ZNF43: variants seen among roughly 807,000 people sequenced by gnomAD.
ZNF43 encodes the protein zinc finger protein 39-like 1 (KOX 27).
A neutral mutation model predicts 68.4 loss-of-function variants in ZNF43; 44 were observed. The observed-to-expected ratio is 0.64, with a 90% CI of 0.51 to 0.83. ZNF43 has a LOEUF of 0.83. Ranked by LOEUF, ZNF43 falls within the 40% of genes least tolerant of loss-of-function variation. ZNF43 has a pLI of 0.00. For synonymous variants in ZNF43, 308 were observed against 307.8 expected, an observed-to-expected ratio of 1.00 and a Z score of -0.01; for missense variants, 896 against 933.2, an observed-to-expected ratio of 0.96 and a Z score of 0.52.
intron 1 of ZNF43, among the ~76,000 whole-genome samples, chr19:21,850,655 A>G (rs1442744209): frequency 6.6e-6 from 1 of 152,186 alleles, no homozygotes; most frequent in Non-Finnish European, 1.5e-5. Flanking sequence ...CAAAATATTC[A>G]GGGACTAAGG....
At chr19:21,812,429 A>C (rs2037323394) in intron 3 of ZNF43, among the ~76,000 whole-genome samples, 1 of 152,212 alleles carries the variant, frequency 6.6e-6, no homozygotes, top group Non-Finnish European at 1.5e-5. Context: ...ACAACTCTTA[A>C]AACTAACAAT....
intron 1 of ZNF43, among the ~76,000 whole-genome samples, chr19:21,825,833 A>G (rs1458719802): frequency 1.3e-5 from 2 of 152,210 alleles, no homozygotes; most frequent in Non-Finnish European, 1.5e-5. Flanking sequence ...CAGGTGGATC[A>G]GGAGGTCAAG....
In ZNF43 at chr19:21,815,189, C is replaced by CA. The variant is rs34985754; in HGVS notation, c.229+2698dup. 4.2e-3 allele frequency among the ~76,000 whole-genome samples: 539 copies of CA among 129,748 alleles called. 1 individual carries two copies. The highest frequency in any genetic ancestry group is 0.013 in the African/African-American group (447 of 34,296). The allele number at this position is 129,748 out of a possible 152,430, so 85.1% of individuals were successfully genotyped here. ...GGGCAACGAGAGCAAAACTCCATTT[C>CA]AAAAAAAAAAAAAATCTGGTATGCA... On this transcript the variant is annotated intron_variant, in intron 3 of 3. Coordinates refer to ENST00000354959, the MANE Select transcript of ZNF43 (RefSeq NM_003423.4).
chr19:21,828,513 G>A (rs1477734718), intron 1 of ZNF43, among the ~76,000 whole-genome samples: 4 of 151,860 alleles, frequency 2.6e-5, no homozygotes, highest in African/African-American at 4.8e-5. Flanking sequence ...TCAGGAGTTC[G>A]AGACCAGCCT....
chr19:21,817,116 C>A (rs1262690535), intron 3 of ZNF43, among the ~76,000 whole-genome samples: 1 of 151,910 alleles, frequency 6.6e-6, no homozygotes. Context: ...GTGGCATGGG[C>A]CTGTAATCCC....
chr19:21,835,842 A>G (rs2038695337), intron 1 of ZNF43, among the ~76,000 whole-genome samples, 194 bp downstream of exon 1: 1 of 152,208 alleles, frequency 6.6e-6, no homozygotes, highest in Non-Finnish European at 1.5e-5. Flanking sequence ...AGGCCGGGAC[A>G]CAGTCACTGC....
chr19:21,811,906 GAA>G (rs2037292288), intron 3 of ZNF43: 1 of 388,562 alleles, frequency 2.6e-6, no homozygotes, highest in South Asian at 1.4e-4. Flanking sequence ...AAGAAATATG[GAA>G]AAAAGACATG....
At chr19:21,818,817 T>G (rs559494673) in intron 2 of ZNF43, among the ~76,000 whole-genome samples, 6 of 152,316 alleles carry the variant, frequency 3.9e-5, no homozygotes, top group African/African-American at 1.4e-4. Context: ...TGTTGGCAAT[T>G]AGATTTTAAG....
At chr19:21,830,127 T>C (rs1419769672) in intron 1 of ZNF43, among the ~76,000 whole-genome samples, 1 of 151,954 alleles carries the variant, frequency 6.6e-6, no homozygotes, top group East Asian at 1.9e-4. Flanking sequence ...GGTGGGCACC[T>C]GTAATCCCAG....
chr19:21,811,423 T>C (rs2145175304), intron 3 of ZNF43, among the ~76,000 whole-genome samples: 1 of 151,754 alleles, frequency 6.6e-6, no homozygotes, highest in Middle Eastern at 3.4e-3. Context: ...TAATCCCAGC[T>C]ACTTGGGAGG....
intron 1 of ZNF43, among the ~76,000 whole-genome samples, chr19:21,842,431 T>TA (rs1363319931): frequency 7.3e-6 from 1 of 136,852 alleles, no homozygotes; most frequent in Non-Finnish European, 1.6e-5. Flanking sequence ...AACAATAAAA[T>TA]AAAAAAATCA....
intron 1 of ZNF43, among the ~76,000 whole-genome samples, chr19:21,829,599 T>C (rs1389528496): frequency 1.3e-5 from 2 of 152,206 alleles, no homozygotes; most frequent in Non-Finnish European, 2.9e-5. Context: ...CCAAAAGATT[T>C]GGCTGTTAAT....
chr19:21,814,074 T>G (rs2037404022), intron 3 of ZNF43, among the ~76,000 whole-genome samples: 1 of 151,984 alleles, frequency 6.6e-6, no homozygotes, highest in Non-Finnish European at 1.5e-5. Flanking sequence ...AATGTACACT[T>G]CAATAGATTT....
chr19:21,828,799 C>A (rs900282652), intron 1 of ZNF43, among the ~76,000 whole-genome samples: 1 of 150,432 alleles, frequency 6.6e-6, no homozygotes, highest in African/African-American at 2.4e-5. Flanking sequence ...TTTGGGAGGC[C>A]GCAGCGAGCA....
chr19:21,810,016 A>G (rs576521234), intron 3 of ZNF43, among the ~76,000 whole-genome samples: 4 of 152,310 alleles, frequency 2.6e-5, no homozygotes, highest in African/African-American at 9.6e-5. Flanking sequence ...GCAGTGCCCC[A>G]GGTGAGTCCA....
chr19:21,822,662 G>A (rs145633375), intron 1 of ZNF43, among the ~76,000 whole-genome samples: 2,274 of 152,124 alleles, frequency 0.015, 53 homozygotes, highest in African/African-American at 0.052. Context: ...AAAATTAGCC[G>A]GGCACGGTGG....
rs867090211 is a variant in ZNF43, at chr19:21,835,237, G to A, written c.3+799C>T. Among the ~76,000 whole-genome samples, 101 of 68,224 alleles carry A rather than the reference G, an allele frequency of 1.5e-3. 1 individual carries two copies. Among genetic ancestry groups the A allele is most frequent in the Middle Eastern group, 0.031 (2 of 64 alleles). The allele number at this position is 68,224 out of a possible 152,430, so 44.8% of individuals were successfully genotyped here. On this transcript the variant is annotated intron_variant, in intron 1 of 3. Transcript: ENST00000354959. ...GCACTCCAGCCTGGGCAGCAAAAGC[G>A]AAAGTCCATCTCAAAAAAAAAAAAA...
intron 1 of ZNF43, among the ~76,000 whole-genome samples, chr19:21,834,229 T>G (rs2038571393): frequency 6.7e-6 from 1 of 150,344 alleles, no homozygotes; most frequent in Non-Finnish European, 1.5e-5. Context: ...TTCCAGCTAC[T>G]GGAGTGGCTG....
upstream of ZNF43, chr19:21,840,106 T>A (rs1330424250): frequency 6.6e-6 from 1 of 152,192 alleles, no homozygotes; most frequent in Non-Finnish European, 1.5e-5. Flanking sequence ...CACCTGGATG[T>A]TGCACATAGC....
Sources: gnomAD v4.1 joint callset for allele counts (sites outside exome capture counted in the v4.1 genomes callset) on GRCh38, gnomAD v4.1.1 for gene constraint, MANE v1.5 for transcripts, NCBI Gene and HGNC (gene_info 2026-07-23, HGNC 2026-07-21) for gene names.